NDUFS4: variants seen among roughly 807,000 people sequenced by gnomAD.
The protein encoded by NDUFS4 is NADH dehydrogenase [ubiquinone] iron-sulfur protein 4, mitochondrial.
NDUFS4 carries 28 observed loss-of-function variants against 24.3 expected under a neutral mutation model. That is an observed-to-expected ratio of 1.15 (90% confidence interval 0.85 to 1.58). The LOEUF is 1.58. Ranked by LOEUF, NDUFS4 falls within the 40% of genes most tolerant of loss-of-function variation. The probability of loss-of-function intolerance (pLI) is 0.00; values close to 1 mark genes in which losing one functional copy is unlikely to be tolerated. For synonymous variants in NDUFS4, 93 were observed against 69.7 expected (o/e 1.34, Z -1.67); for missense variants, 223 against 207.9 (o/e 1.07, Z -0.45).
rs975139228 is a variant in NDUFS4, at chr5:53,621,764, C to T, written c.177+18234C>T. ...TCGCCCAGGCTGGAGTGCAGTGGCG[C>T]GATCTCAACTCACTGCAAGCTCCGC... is the stretch of plus-strand genomic sequence containing the variant. On this transcript the variant is annotated intron_variant, in intron 2 of 4. Transcript: ENST00000296684. Among the ~76,000 whole-genome samples the T allele has an allele frequency of 6.1e-4, 82 of 134,878 alleles. 1 individual carries two copies. Among genetic ancestry groups the T allele is most frequent in the African/African-American group, 9.4e-4 (33 of 35,224 alleles). 88.5% of individuals were successfully genotyped at this position (134,878 alleles called of 152,430 possible).
At chr5:53,639,427 TTAA>T (rs1265836405) in intron 2 of NDUFS4, among the ~76,000 whole-genome samples, 3 of 151,942 alleles carry the variant, frequency 2.0e-5, no homozygotes, top group African/African-American at 7.2e-5. Flanking sequence ...TGTTCAGCAA[TTAA>T]TGTTTCAGCA....
chr5:53,619,729 A>G (rs1422453165), intron 2 of NDUFS4, among the ~76,000 whole-genome samples: 1 of 152,122 alleles, frequency 6.6e-6, no homozygotes, highest in Non-Finnish European at 1.5e-5. Context: ...TATATGTAAG[A>G]CAAATTGTTT....
At chr5:53,643,302 A>G (rs1354267325) in intron 2 of NDUFS4, among the ~76,000 whole-genome samples, 2 of 152,174 alleles carry the variant, frequency 1.3e-5, no homozygotes, top group East Asian at 1.9e-4. Context: ...AAGCATTTCT[A>G]GCTTTTCTAA....
intron 2 of NDUFS4, among the ~76,000 whole-genome samples, chr5:53,619,380 C>T (rs1464597000): frequency 7.2e-6 from 1 of 139,454 alleles, no homozygotes; most frequent in Non-Finnish European, 1.5e-5. Flanking sequence ...GTCCCAGCTA[C>T]TTGGGAGGCT....
chr5:53,572,879 C>T (rs1481184203), intron 1 of NDUFS4, among the ~76,000 whole-genome samples: 1 of 150,952 alleles, frequency 6.6e-6, no homozygotes, highest in Non-Finnish European at 1.5e-5. Context: ...CTCCCGACCT[C>T]GTGATCCACC....
At chr5:53,682,108 G>C (rs540430255) in intron 4 of NDUFS4, among the ~76,000 whole-genome samples, 19 of 152,090 alleles carry the variant, frequency 1.2e-4, no homozygotes, top group Admixed American at 4.6e-4. Context: ...ATAAATTACA[G>C]GTGTGGGAAA....
chr5:53,570,433 T>G (rs946327220), intron 1 of NDUFS4, among the ~76,000 whole-genome samples: 1 of 152,226 alleles, frequency 6.6e-6, no homozygotes. Context: ...GAAGGACATA[T>G]GAATTATTTC....
intron 1 of NDUFS4, among the ~76,000 whole-genome samples, chr5:53,602,544 T>TC (rs764532870): frequency 6.6e-6 from 1 of 152,190 alleles, no homozygotes; most frequent in East Asian, 1.9e-4. Flanking sequence ...CACAAAAAGT[T>TC]CAACTATTTG....
At chr5:53,574,694 G>C (rs1749327785) in intron 1 of NDUFS4, among the ~76,000 whole-genome samples, 1 of 152,132 alleles carries the variant, frequency 6.6e-6, no homozygotes. Context: ...TTTCCCTTGA[G>C]ACTTCCTTTT....
Position 53,605,293 on chromosome 5 carries a change from C to A in NDUFS4, c.177+1763C>A, listed in dbSNP as rs574069548. Among the ~76,000 whole-genome samples, 26 of 152,272 alleles carry A rather than the reference C, an allele frequency of 1.7e-4. No homozygotes were observed. The East Asian group carries it at 5.0e-3, about 29-fold the overall frequency. ...GGATGATTTTCACATCCTGTGTGTTCATTAATGAGAGCACTATTATTTTAA... is the reference window on the plus strand; with the variant it reads ...GGATGATTTTCACATCCTGTGTGTTAATTAATGAGAGCACTATTATTTTAA... On this transcript the variant is annotated intron_variant, in intron 2 of 4. Transcript: ENST00000296684.
At chr5:53,671,309 C>T (rs1322719178) in intron 4 of NDUFS4, among the ~76,000 whole-genome samples, 2 of 152,114 alleles carry the variant, frequency 1.3e-5, no homozygotes, top group Non-Finnish European at 1.5e-5. Flanking sequence ...ATAGCTCTCT[C>T]TTCTTTACCT....
At chr5:53,604,957 C>T (rs1297487813) in intron 2 of NDUFS4, 5 of 443,008 alleles carry the variant, frequency 1.1e-5, no homozygotes, top group Non-Finnish European at 2.3e-5. Flanking sequence ...CATGGTGGCT[C>T]ATGCCTGTAA....
chr5:53,675,142 A>G (rs1193322172), intron 4 of NDUFS4, among the ~76,000 whole-genome samples: 1 of 149,730 alleles, frequency 6.7e-6, no homozygotes, highest in Non-Finnish European at 1.5e-5. Context: ...CTATAAGCTA[A>G]TCAGAACAGA....
At chr5:53,591,403 A>C (rs902756738) in intron 1 of NDUFS4, among the ~76,000 whole-genome samples, 1 of 131,646 alleles carries the variant, frequency 7.6e-6, no homozygotes, top group African/African-American at 2.9e-5. Flanking sequence ...AGCAGTGAGC[A>C]AGTGTTCCAT....
chr5:53,564,997 T>C (rs953492379), intron 1 of NDUFS4, among the ~76,000 whole-genome samples: 2 of 152,220 alleles, frequency 1.3e-5, no homozygotes, highest in Admixed American at 6.5e-5. Context: ...ACTACCACTG[T>C]CTGCAACAGG....
chr5:53,597,439 C>G (rs902177949), intron 1 of NDUFS4, among the ~76,000 whole-genome samples: 2 of 152,144 alleles, frequency 1.3e-5, no homozygotes, highest in African/African-American at 4.8e-5. Flanking sequence ...TTTGGAGTCA[C>G]AGTTTCAAAC....
intron 1 of NDUFS4, among the ~76,000 whole-genome samples, chr5:53,586,666 G>T (rs1318156727): frequency 6.6e-6 from 1 of 152,040 alleles, no homozygotes; most frequent in African/African-American, 2.4e-5. Context: ...GGGACTACTT[G>T]CGTCCACCAC....
intron 1 of NDUFS4, among the ~76,000 whole-genome samples, chr5:53,579,905 A>G (rs935518862): frequency 1.3e-5 from 2 of 152,206 alleles, no homozygotes; most frequent in African/African-American, 4.8e-5. Context: ...AAGAATGCCA[A>G]CAGTCTCTAA....
At position 53,609,991 on chromosome 5, in the gene NDUFS4, T is replaced by C. The variant is rs533375758; in HGVS notation, c.177+6461T>C. Among the ~76,000 whole-genome samples, 62 of 152,306 alleles carry C rather than the reference T, an allele frequency of 4.1e-4. 1 individual carries two copies. The highest frequency in any genetic ancestry group is 1.4e-3 in the African/African-American group (59 of 41,578). On this transcript the variant is annotated intron_variant, in intron 2 of 4. Coordinates refer to ENST00000296684, the MANE Select transcript of NDUFS4 (RefSeq NM_002495.4). The stretch of plus-strand genomic sequence containing the variant: ...AGCAATAAGGCTGTCTCTTTAGCCT[T>C]CTTATCATTCATGTGTTCACTGGAA...
Sources: gnomAD v4.1 joint callset for allele counts (sites outside exome capture counted in the v4.1 genomes callset) on GRCh38, gnomAD v4.1.1 for gene constraint, MANE v1.5 for transcripts, NCBI Gene and HGNC (gene_info 2026-07-23, HGNC 2026-07-21) for gene names.